ALG14: variants seen among roughly 807,000 people sequenced by gnomAD.
The protein encoded by ALG14 is ALG14 UDP-N-acetylglucosaminyltransferase subunit.
ALG14 carries 17 observed loss-of-function variants against 22.8 expected under a neutral mutation model. That is an observed-to-expected ratio of 0.75 (90% CI 0.51 to 1.12). ALG14 has a LOEUF of 1.12. ALG14 is among the 50% of genes most tolerant of loss of function. The pLI, the probability that ALG14 is intolerant of heterozygous loss-of-function variation, is 0.00. For synonymous variants in ALG14, 89 were observed against 103.7 expected, an observed-to-expected ratio of 0.86 and a Z score of 0.86; for missense variants, 288 against 271.8, an observed-to-expected ratio of 1.06 and a Z score of -0.42.
intron 3 of ALG14, among the ~76,000 whole-genome samples, chr1:94,991,842 A>G (rs144331524): frequency 1.3e-3 from 165 of 129,238 alleles, no homozygotes; most frequent in African/African-American, 4.9e-3. Context: ...GAACAAAAAG[A>G]TTTTTTATAT....
At chr1:94,983,475 T>C (rs1672554952) in intron 3 of ALG14, 169 bp from the exon 4 acceptor site, 8 of 625,070 alleles carry the variant, frequency 1.3e-5, no homozygotes, top group East Asian at 2.8e-5. Flanking sequence ...GCCCATGCAC[T>C]TTGGAGCCAG....
intron 2 of ALG14, among the ~76,000 whole-genome samples, chr1:95,041,927 A>T (rs1397558397): frequency 6.6e-6 from 1 of 152,212 alleles, no homozygotes; most frequent in African/African-American, 2.4e-5. Flanking sequence ...CCTATTTATT[A>T]CACTAGCAGC....
At chr1:95,061,481 G>A (rs1675145299) in intron 2 of ALG14, 2 of 136,756 alleles carry the variant, frequency 1.5e-5, no homozygotes, top group Non-Finnish European at 3.2e-5. Context: ...AAACAGCCTT[G>A]AGAGAGAGAG....
intron 1 of ALG14, among the ~76,000 whole-genome samples, chr1:95,070,915 T>C (rs1373547481): frequency 6.6e-6 from 1 of 152,096 alleles, no homozygotes; most frequent in Non-Finnish European, 1.5e-5. Flanking sequence ...TATTTATTTA[T>C]TTTAATGTAG....
At chr1:95,001,436 A>G (rs1357069830) in intron 3 of ALG14, among the ~76,000 whole-genome samples, 1 of 152,202 alleles carries the variant, frequency 6.6e-6, no homozygotes, top group Non-Finnish European at 1.5e-5. Flanking sequence ...ATATATAAGC[A>G]TCTTCCAACA....
At chr1:94,986,039 C>T (rs1672631470) in intron 3 of ALG14, among the ~76,000 whole-genome samples, 1 of 152,080 alleles carries the variant, frequency 6.6e-6, no homozygotes, top group African/African-American at 2.4e-5. Context: ...AGAAGCATAC[C>T]AGAGAGACTT....
intron 2 of ALG14, among the ~76,000 whole-genome samples, chr1:95,056,923 GGT>G: frequency 6.6e-6 from 1 of 151,688 alleles, no homozygotes; most frequent in African/African-American, 2.4e-5. Context: ...TGGGCATGGT[GGT>G]GCACACCTGT....
intron 2 of ALG14, among the ~76,000 whole-genome samples, chr1:95,056,548 G>C (rs1196125180): frequency 1.3e-5 from 2 of 152,086 alleles, no homozygotes; most frequent in East Asian, 3.9e-4. Flanking sequence ...GGAAGGCTGA[G>C]GTGGGAGGAT....
chr1:94,979,987 G>C lies in ALG14; in HGVS notation c.*3089C>G, dbSNP rs1672467906. 6.6e-6 allele frequency: 1 copy of C among 151,868 alleles called. No individual in the cohort carries two copies. The highest frequency in any genetic ancestry group is 1.5e-5 in the Non-Finnish European group (1 of 67,996). 9.4% of individuals were successfully genotyped at this position (151,868 alleles called of 1,614,324 possible). On this transcript the variant is annotated 3_prime_UTR_variant, in exon 4 of 4. Transcript: ENST00000370205. Reference sequence around the variant, plus strand: ...GACAATTTTCTTTAACACTTACAATGATGTTCTTATTGTTGGTAAAAGGTG... The same window carrying C: ...GACAATTTTCTTTAACACTTACAATCATGTTCTTATTGTTGGTAAAAGGTG...
chr1:95,006,344 G>A (rs567025767), intron 3 of ALG14, among the ~76,000 whole-genome samples: 20 of 152,018 alleles, frequency 1.3e-4, no homozygotes, highest in Non-Finnish European at 2.6e-4. Flanking sequence ...ATATAGGTAG[G>A]TTCCATTAAC....
chr1:95,013,942 A>C (rs1447754591), intron 3 of ALG14, among the ~76,000 whole-genome samples: 1 of 152,088 alleles, frequency 6.6e-6, no homozygotes, highest in Non-Finnish European at 1.5e-5. Context: ...AAAAAAAAAA[A>C]AACCCTTCCA....
In ALG14 at chr1:94,976,322, C is replaced by G. The variant is rs1381355308; in HGVS notation, c.*6754G>C. On this transcript the variant is annotated 3_prime_UTR_variant, in exon 4 of 4. Transcript: ENST00000370205. ...ATACTAAGGTAGGAGTTTGGTGGCCCAAGTGAAAGGTTATTATTATTATTT... is the reference window on the plus strand; with the variant it reads ...ATACTAAGGTAGGAGTTTGGTGGCCGAAGTGAAAGGTTATTATTATTATTT... The G allele has an allele frequency of 6.6e-6, 1 of 151,968 alleles. No individual in the cohort carries two copies. Among genetic ancestry groups the G allele is most frequent in the East Asian group, 1.9e-4 (1 of 5,188 alleles). The allele number at this position is 151,968 out of a possible 1,614,324, so 9.4% of individuals were successfully genotyped here. A position where few individuals can be genotyped will look rare whatever the true frequency, so the allele number is the denominator to read the frequency against.
intron 3 of ALG14, among the ~76,000 whole-genome samples, chr1:95,013,781 T>A (rs1673433343): frequency 6.6e-6 from 1 of 152,178 alleles, no homozygotes; most frequent in Non-Finnish European, 1.5e-5. Context: ...ATAGGCCTAG[T>A]GAGAAAACTA....
At chr1:95,057,051 G>C (rs898118127) in intron 2 of ALG14, among the ~76,000 whole-genome samples, 2 of 117,132 alleles carry the variant, frequency 1.7e-5, no homozygotes, top group African/African-American at 5.9e-5. Context: ...GCGAGATTCT[G>C]GCTCAAAAAA....
At chr1:95,058,788 G>A (rs1196684876) in intron 2 of ALG14, among the ~76,000 whole-genome samples, 3 of 151,750 alleles carry the variant, frequency 2.0e-5, no homozygotes, top group Non-Finnish European at 4.4e-5. Flanking sequence ...GGTGAGTTAA[G>A]AGTATATAAC....
chr1:95,062,825 T>C (rs553841808), intron 2 of ALG14, among the ~76,000 whole-genome samples: 1 of 152,342 alleles, frequency 6.6e-6, no homozygotes, highest in South Asian at 2.1e-4. Flanking sequence ...AGCAATGGGA[T>C]TGCTAGGTCA....
chr1:94,987,326 A>C (rs960395724), intron 3 of ALG14, among the ~76,000 whole-genome samples: 21 of 152,238 alleles, frequency 1.4e-4, no homozygotes, highest in African/African-American at 5.1e-4. Context: ...TAAGTGACAC[A>C]GCCCTTTGTT....
Position 94,981,981 on chromosome 1 carries a change from C to T in ALG14, c.*1095G>A, listed in dbSNP as rs1170934341. On this transcript the variant is annotated 3_prime_UTR_variant, in exon 4 of 4. Transcript: ENST00000370205. ...GAACTCTGTGTGACTGCACAGGCCA[C>T]ACACCCGTGAAACTGGCCCCACTAA... 6.6e-6 allele frequency: 1 copy of T among 152,194 alleles called. No homozygotes were observed. The highest frequency in any genetic ancestry group is 1.5e-5 in the Non-Finnish European group (1 of 68,048). 9.4% of individuals were successfully genotyped at this position (152,194 alleles called of 1,614,324 possible). A position where few individuals can be genotyped will look rare whatever the true frequency, so the allele number is the denominator to read the frequency against.
In ALG14 at chr1:94,980,380, C is replaced by A. The variant is rs1672473903; in HGVS notation, c.*2696G>T. The A allele has an allele frequency of 6.6e-6, 1 of 152,166 alleles. No individual in the cohort carries two copies. Among genetic ancestry groups the A allele is most frequent in the African/African-American group, 2.4e-5 (1 of 41,440 alleles). The allele number at this position is 152,166 out of a possible 1,614,324, so 9.4% of individuals were successfully genotyped here. ...ACTGAGACCTTTTAGGATAGCTGGA[C>A]TGTAGATAGAAATCTTCCAGGGAAG... On this transcript the variant is annotated 3_prime_UTR_variant, in exon 4 of 4. Coordinates refer to ENST00000370205, the MANE Select transcript of ALG14 (RefSeq NM_144988.4).
Sources: allele counts gnomAD v4.1 joint callset (sites outside exome capture counted in the v4.1 genomes callset), GRCh38; gene constraint gnomAD v4.1.1; transcripts MANE v1.5; gene names NCBI Gene and HGNC (gene_info 2026-07-23, HGNC 2026-07-21).